Variants in CYP20A1 observed in about 807,000 individuals in gnomAD.
CYP20A1 encodes cytochrome P450 family 20 subfamily A member 1.
A neutral mutation model predicts 61.4 loss-of-function variants in CYP20A1; 61 were observed. That is an observed-to-expected ratio of 0.99 (90% CI 0.81 to 1.23). The LOEUF (loss-of-function observed/expected upper bound fraction) is 1.23, where lower values mean the gene tolerates loss of function less well. CYP20A1 is among the 50% of genes most tolerant of loss of function. The probability of loss-of-function intolerance (pLI) is 0.00; values close to 1 mark genes in which losing one functional copy is unlikely to be tolerated. For synonymous variants in CYP20A1, 193 were observed against 188.2 expected (o/e 1.03, Z -0.21); for missense variants, 530 against 542.4 (o/e 0.98, Z 0.23).
chr2:203,269,196 C>T (rs2067455039), intron 5 of CYP20A1, among the ~76,000 whole-genome samples: 1 of 151,896 alleles, frequency 6.6e-6, no homozygotes, highest in East Asian at 1.9e-4. Context: ...AATCCTAGCA[C>T]TTTGGGAAGC....
At chr2:203,274,188 AT>A (rs780141331) in intron 6 of CYP20A1, among the ~76,000 whole-genome samples, 264 of 142,418 alleles carry the variant, frequency 1.9e-3, no homozygotes, top group African/African-American at 1.8e-3. Flanking sequence ...TTTTAAAATA[AT>A]TTTTTTTTTT....
chr2:203,296,042 C>T (rs2068783140), intron 11 of CYP20A1, among the ~76,000 whole-genome samples: 1 of 152,130 alleles, frequency 6.6e-6, no homozygotes, highest in African/African-American at 2.4e-5. Flanking sequence ...GCAGGAGGAT[C>T]ACTTGAGCCT....
At chr2:203,286,641 A>T (rs1488838963) in intron 9 of CYP20A1, among the ~76,000 whole-genome samples, 1 of 152,192 alleles carries the variant, frequency 6.6e-6, no homozygotes, top group East Asian at 1.9e-4. Context: ...AGAAAAGGCA[A>T]ACTGTGGTGA....
chr2:203,245,798 C>T, intron 1 of CYP20A1, 48 bp from the exon 2 acceptor site: 1 of 1,163,010 alleles, frequency 8.6e-7, no homozygotes, highest in East Asian at 2.5e-5. Context: ...ACACATCTGA[C>T]TTATGGGATA....
chr2:203,292,565 C>T (rs1200587062), intron 11 of CYP20A1, among the ~76,000 whole-genome samples: 1 of 152,170 alleles, frequency 6.6e-6, no homozygotes, highest in Non-Finnish European at 1.5e-5. Flanking sequence ...CTCAAGCCAT[C>T]CTTCTGCGTC....
At chr2:203,259,589 A>G (rs1369780588) in intron 4 of CYP20A1, 2 of 151,892 alleles carry the variant, frequency 1.3e-5, no homozygotes, top group Non-Finnish European at 2.9e-5. Flanking sequence ...GTTCTTTATA[A>G]ATTACCCAGT....
At position 203,292,251 on chromosome 2, in the gene CYP20A1, T is replaced by A; in HGVS notation, c.1084-11T>A. Reference sequence around the variant, plus strand: ...TTAGTCCTTGACTAATTGGATTTTTTTTTTTCACAGACCCTCGTCCTTTAT... The same window carrying A: ...TTAGTCCTTGACTAATTGGATTTTTATTTTTCACAGACCCTCGTCCTTTAT... On this transcript the variant is annotated splice_polypyrimidine_tract_variant and intron_variant, in intron 10 of 12. Coordinates refer to ENST00000356079, the MANE Select transcript of CYP20A1 (RefSeq NM_177538.3). 1 of 1,606,244 alleles carries A rather than the reference T, an allele frequency of 6.2e-7. No individual in the cohort carries two copies. The highest frequency in any genetic ancestry group is 1.7e-5 in the Admixed American group (1 of 59,054).
At chr2:203,250,517 GA>G (rs55928141) in intron 3 of CYP20A1, among the ~76,000 whole-genome samples, 61,022 of 149,912 alleles carry the variant, frequency 0.41, 12,658 homozygotes, top group East Asian at 0.63. Flanking sequence ...CTCTGAGGAA[GA>G]AAAAAAAAAG....
intron 4 of CYP20A1, among the ~76,000 whole-genome samples, chr2:203,257,354 G>T (rs939582725): frequency 3.3e-5 from 5 of 151,712 alleles, no homozygotes; most frequent in African/African-American, 9.7e-5. Flanking sequence ...GTCAGTTTGG[G>T]TTTATTTTCC....
intron 9 of CYP20A1, among the ~76,000 whole-genome samples, chr2:203,286,529 G>A (rs966269477): frequency 1.3e-5 from 2 of 152,162 alleles, no homozygotes; most frequent in Non-Finnish European, 2.9e-5. Flanking sequence ...AAGGAACACC[G>A]TATCAATACA....
At chr2:203,277,987 G>A (rs969149709) in intron 6 of CYP20A1, among the ~76,000 whole-genome samples, 2 of 151,920 alleles carry the variant, frequency 1.3e-5, no homozygotes, top group Non-Finnish European at 2.9e-5. Context: ...TAAAGTGCTG[G>A]TATTAGGCCA....
intron 3 of CYP20A1, 150 bp from the exon 4 acceptor site, chr2:203,251,817 A>ATATATGTGTGTATATATATATAT (rs34111991): frequency 3.1e-5 from 3 of 95,288 alleles, no homozygotes; most frequent in Non-Finnish European, 4.5e-5. Flanking sequence ...ATATATATAT[A>ATATATGTGTGTATATATATATAT]AAAAATAAAA....
At chr2:203,283,934 G>A (rs2068154387) in intron 8 of CYP20A1, among the ~76,000 whole-genome samples, 1 of 152,114 alleles carries the variant, frequency 6.6e-6, no homozygotes, top group African/African-American at 2.4e-5. Context: ...TCCTTCAGTT[G>A]TATATTACTC....
chr2:203,256,424 A>G (rs192451333), intron 4 of CYP20A1, among the ~76,000 whole-genome samples: 133 of 152,016 alleles, frequency 8.7e-4, no homozygotes, highest in African/African-American at 3.1e-3. Context: ...CAGTGGTGCA[A>G]TCTTGGCATA....
At chr2:203,256,768 G>A (rs1281454584) in intron 4 of CYP20A1, among the ~76,000 whole-genome samples, 4 of 152,168 alleles carry the variant, frequency 2.6e-5, no homozygotes, top group African/African-American at 7.2e-5. Flanking sequence ...CTTGGCTCTT[G>A]TTATAGAGCA....
chr2:203,301,597 G>A lies in CYP20A1; in HGVS notation c.*4689G>A, dbSNP rs934534833. On this transcript the variant is annotated 3_prime_UTR_variant, in exon 13 of 13. Transcript: ENST00000356079. The stretch of plus-strand genomic sequence containing the variant: ...ATAAAACATTTTTTTATGAACTAAA[G>A]AGCTCTCTCAAACTTGTGCTAACAA... Among the ~76,000 whole-genome samples, 4 of 151,976 alleles carry A rather than the reference G, an allele frequency of 2.6e-5. No individual in the cohort carries two copies. The highest frequency in any genetic ancestry group is 9.7e-5 in the African/African-American group (4 of 41,386).
chr2:203,239,964 C>T (rs1361954868), intron 1 of CYP20A1, among the ~76,000 whole-genome samples: 3 of 152,104 alleles, frequency 2.0e-5, no homozygotes, highest in African/African-American at 7.2e-5. Flanking sequence ...GCTGTGGTGG[C>T]GGGCGCCTGT....
At position 203,246,751 on chromosome 2, in the gene CYP20A1, C is replaced by T. The variant is rs772699408; in HGVS notation, c.123-4C>T. 6.2e-7 allele frequency: 1 copy of T among 1,605,836 alleles called. No homozygotes were observed. The highest frequency in any genetic ancestry group is 1.1e-5 in the South Asian group (1 of 88,742). On this transcript the variant is annotated splice_region_variant and splice_polypyrimidine_tract_variant and intron_variant, in intron 2 of 12. Transcript: ENST00000356079. The stretch of plus-strand genomic sequence containing the variant: ...TATTTTGTCAAATGTTGCTCTTTTG[C>T]CAGAGATGGTAATCTTCCAGATATT...
Position 203,252,372 on chromosome 2 carries a change from GTGTA to G in CYP20A1, c.432+265_432+268del, listed in dbSNP as rs1162317442. On this transcript the variant is annotated intron_variant, in intron 4 of 12. Coordinates refer to ENST00000356079, the MANE Select transcript of CYP20A1 (RefSeq NM_177538.3). ...TGAAGAAGTTTCTGTATGTATGTATGTGTATATATATATATATATTTTGTTGTTG... is the reference window on the plus strand; with the variant it reads ...TGAAGAAGTTTCTGTATGTATGTATGTATATATATATATATTTTGTTGTTG... 8.2e-3 allele frequency among the ~76,000 whole-genome samples: 239 copies of G among 29,206 alleles called. 1 individual carries two copies. The highest frequency in any genetic ancestry group is 0.011 in the African/African-American group (219 of 19,106). The allele number at this position is 29,206 out of a possible 152,430, so 19.2% of individuals were successfully genotyped here. A position where few individuals can be genotyped will look rare whatever the true frequency, so the allele number is the denominator to read the frequency against.
Sources: allele counts gnomAD v4.1 joint callset (sites outside exome capture counted in the v4.1 genomes callset), GRCh38; gene constraint gnomAD v4.1.1; transcripts MANE v1.5; gene names NCBI Gene and HGNC (gene_info 2026-07-23, HGNC 2026-07-21).